The following EPB41L5 variants were observed in gnomAD, a reference collection of about 807,000 sequenced individuals.
EPB41L5 encodes erythrocyte membrane protein band 4.1 like 5.
EPB41L5 carries 55 observed loss-of-function variants against 106.6 expected under a neutral mutation model. The ratio of observed to expected loss-of-function variants is 0.52; its 90% CI spans 0.42 to 0.65. EPB41L5 has a LOEUF of 0.65. EPB41L5 is among the 30% of genes least tolerant of loss of function. The pLI, the probability that EPB41L5 is intolerant of heterozygous loss-of-function variation, is 0.00. For missense variants in EPB41L5, 871 were observed against 882.1 expected, an observed-to-expected ratio of 0.99 and a Z score of 0.16; for synonymous variants, 297 against 306.7, an observed-to-expected ratio of 0.97 and a Z score of 0.33.
At chr2:120,036,603 A>G (rs1345350595) in intron 2 of EPB41L5, among the ~76,000 whole-genome samples, 1 of 152,218 alleles carries the variant, frequency 6.6e-6, no homozygotes, top group Non-Finnish European at 1.5e-5. Flanking sequence ...CTTTGTGTAT[A>G]TAGTAGAAGC....
intron 20 of EPB41L5, among the ~76,000 whole-genome samples, chr2:120,150,512 A>G (rs181086780): frequency 6.6e-6 from 1 of 151,736 alleles, no homozygotes; most frequent in Non-Finnish European, 1.5e-5. Context: ...AGTTTATTTT[A>G]TTTTATTTTT....
intron 16 of EPB41L5, among the ~76,000 whole-genome samples, chr2:120,110,635 ATT>A (rs1234465616): frequency 1.5e-4 from 18 of 118,702 alleles, no homozygotes; most frequent in Admixed American, 2.5e-4. Flanking sequence ...ACCTTCCCCT[ATT>A]TTTTTTTTTT....
intron 8 of EPB41L5, 40 bp from the exon 9 acceptor site, chr2:120,077,189 T>C (rs1682305687): frequency 6.3e-7 from 1 of 1,583,418 alleles, no homozygotes. Flanking sequence ...ATTTATTTTA[T>C]ATTTATTGTT....
chr2:120,096,257 C>G (rs567421491), intron 14 of EPB41L5, among the ~76,000 whole-genome samples: 1 of 151,842 alleles, frequency 6.6e-6, no homozygotes, highest in African/African-American at 2.4e-5. Context: ...AAAGCCAGTC[C>G]GTGATTAGTG....
At chr2:120,134,236 T>TA (rs1685825455) in intron 18 of EPB41L5, among the ~76,000 whole-genome samples, 1 of 151,824 alleles carries the variant, frequency 6.6e-6, no homozygotes, top group African/African-American at 2.4e-5. Context: ...AAAAAGAACT[T>TA]TGTCTTGCAA....
chr2:120,111,683 C>T (rs1684734121), intron 16 of EPB41L5, among the ~76,000 whole-genome samples: 2 of 152,172 alleles, frequency 1.3e-5, no homozygotes, highest in African/African-American at 4.8e-5. Context: ...TTGTTGTCAG[C>T]CCTGCCCTCT....
intron 16 of EPB41L5, among the ~76,000 whole-genome samples, chr2:120,107,517 G>A (rs1447547208): frequency 6.6e-6 from 1 of 152,034 alleles, no homozygotes; most frequent in Admixed American, 6.6e-5. Flanking sequence ...TTGTATGTGA[G>A]ATGCTTTTAC....
intron 24 of EPB41L5, among the ~76,000 whole-genome samples, chr2:120,168,820 C>G (rs1687534787): frequency 6.6e-6 from 1 of 152,170 alleles, no homozygotes; most frequent in Admixed American, 6.5e-5. Context: ...CAGGCATTGA[C>G]TGATATCTGA....
chr2:120,160,709 G>GA, intron 20 of EPB41L5, 172 bp from the exon 21 acceptor site: 1 of 583,636 alleles, frequency 1.7e-6, no homozygotes, highest in South Asian at 2.2e-5. Context: ...ACTGGAGCGA[G>GA]ATGATGTCTC....
chr2:120,095,988 ATTAC>A (rs952449040), intron 14 of EPB41L5, among the ~76,000 whole-genome samples: 1 of 152,118 alleles, frequency 6.6e-6, no homozygotes, highest in African/African-American at 2.4e-5. Flanking sequence ...TAATTTTAAT[ATTAC>A]TTATTACAAT....
At chr2:120,074,077 C>G (rs1318539297) in intron 4 of EPB41L5, 23 bp from the exon 5 acceptor site, 16 of 1,505,514 alleles carry the variant, frequency 1.1e-5, no homozygotes, top group Non-Finnish European at 1.5e-5. Context: ...TTTATTAAAA[C>G]CTTTTTTTTT....
At chr2:120,046,497 TG>T (rs200497873) in intron 3 of EPB41L5, among the ~76,000 whole-genome samples, 28 of 151,374 alleles carry the variant, frequency 1.8e-4, no homozygotes, top group Middle Eastern at 3.4e-3. Flanking sequence ...CACTTTTTGA[TG>T]GGGTTGTTTT....
chr2:120,131,958 A>G (rs1574728927), intron 18 of EPB41L5, among the ~76,000 whole-genome samples: 1 of 152,192 alleles, frequency 6.6e-6, no homozygotes, highest in African/African-American at 2.4e-5. Flanking sequence ...AACACAGTCA[A>G]GATGAGTGTT....
chr2:120,137,463 G>A (rs1479148095), intron 18 of EPB41L5, among the ~76,000 whole-genome samples: 1 of 151,704 alleles, frequency 6.6e-6, no homozygotes, highest in African/African-American at 2.4e-5. Flanking sequence ...ACAAACCTTT[G>A]GCCAGATTAA....
chr2:120,073,055 T>C (rs895674106), intron 3 of EPB41L5, 123 bp from the exon 4 acceptor site: 1 of 794,162 alleles, frequency 1.3e-6, no homozygotes. Context: ...CTTGGGTTTT[T>C]CTCTTGTGAA....
chr2:120,076,681 G>C (rs1043986653), intron 7 of EPB41L5, among the ~76,000 whole-genome samples: 2 of 151,596 alleles, frequency 1.3e-5, no homozygotes, highest in Admixed American at 6.6e-5. Context: ...TAAGGTCAGA[G>C]GTATTTCTTT....
chr2:120,032,111 G>A (rs548097724), intron 2 of EPB41L5, among the ~76,000 whole-genome samples: 68 of 152,264 alleles, frequency 4.5e-4, no homozygotes, highest in African/African-American at 1.6e-3. Flanking sequence ...GGCCAGGCGC[G>A]GTGGCTCACA....
chr2:120,019,050 G>A lies in EPB41L5; in HGVS notation c.-8-27G>A, dbSNP rs201669368. 19 of 1,560,146 alleles carry A rather than the reference G, an allele frequency of 1.2e-5. No homozygotes were observed. In the East Asian group the frequency reaches 4.1e-4, roughly 34 times the overall value. ...TGGAGAATCTCATTTTTTTCCTGAT[G>A]CCATCTTTTTCTCTCTGTTTTTATA... On this transcript the variant is annotated intron_variant, in intron 1 of 24. Transcript: ENST00000263713.
intron 2 of EPB41L5, among the ~76,000 whole-genome samples, chr2:120,023,517 C>G (rs908613181): frequency 3.9e-5 from 6 of 152,032 alleles, no homozygotes; most frequent in Admixed American, 3.9e-4. Flanking sequence ...ATTTCTGAGG[C>G]CTCTGTTCTT....
Sources: allele counts gnomAD v4.1 joint callset (sites outside exome capture counted in the v4.1 genomes callset), GRCh38; gene constraint gnomAD v4.1.1; transcripts MANE v1.5; gene names NCBI Gene and HGNC (gene_info 2026-07-23, HGNC 2026-07-21).